MCC: variants seen among roughly 807,000 people sequenced by gnomAD.
The protein encoded by MCC is MCC regulator of Wnt signaling pathway.
A neutral mutation model predicts 116.2 loss-of-function variants in MCC; 90 were observed. That is an observed-to-expected ratio of 0.77 (90% CI 0.65 to 0.92). The LOEUF (loss-of-function observed/expected upper bound fraction) is 0.92, where lower values mean the gene tolerates loss of function less well. Ranked by LOEUF, MCC falls within the 40% of genes least tolerant of loss-of-function variation. MCC has a pLI of 0.00. For missense variants in MCC, 1,516 were observed against 1,312.2 expected, an observed-to-expected ratio of 1.16 and a Z score of -2.40; for synonymous variants, 578 against 510.5, an observed-to-expected ratio of 1.13 and a Z score of -1.78.
In MCC at chr5:113,077,273, C is replaced by G. The variant is rs150402894; in HGVS notation, c.1784+5587G>C. Among the ~76,000 whole-genome samples, 55 of 152,216 alleles carry G rather than the reference C, an allele frequency of 3.6e-4. 2 individuals are homozygous for G. The highest frequency in any genetic ancestry group is 1.3e-3 in the African/African-American group (52 of 41,538). ...GAGACAGAAAGTTAACAAGGATATCCAGGAATTGAACTCAGCTGTCCACCA... is the reference window on the plus strand; with the variant it reads ...GAGACAGAAAGTTAACAAGGATATCGAGGAATTGAACTCAGCTGTCCACCA... On this transcript the variant is annotated intron_variant, in intron 11 of 18. Coordinates refer to ENST00000408903, the MANE Select transcript of MCC (RefSeq NM_001085377.2).
intron 3 of MCC, among the ~76,000 whole-genome samples, chr5:113,154,174 A>C (rs1342628597): frequency 1.6e-4 from 25 of 152,206 alleles, no homozygotes; most frequent in Admixed American, 1.6e-3. Flanking sequence ...TCTGTATTAA[A>C]GACACAATAA....
Position 113,084,259 on chromosome 5 carries a change from C to T in MCC, c.1546-69G>A, listed in dbSNP as rs113857047. On this transcript the variant is annotated intron_variant, in intron 9 of 18. Transcript: ENST00000408903. ...CCTCAGATAAACTGTTGGGACTACGCTTATACAGGGCTACTTTTTAGCCAT... is the reference window on the plus strand; with the variant it reads ...CCTCAGATAAACTGTTGGGACTACGTTTATACAGGGCTACTTTTTAGCCAT... The T allele has an allele frequency of 3.5e-4, 419 of 1,204,802 alleles. 3 individuals are homozygous for T. The African/African-American group carries it at 5.4e-3, about 15-fold the overall frequency. The allele number at this position is 1,204,802 out of a possible 1,614,324, so 74.6% of individuals were successfully genotyped here. A position where few individuals can be genotyped will look rare whatever the true frequency, so the allele number is the denominator to read the frequency against.
At chr5:113,060,785 T>G (rs767151067) in intron 14 of MCC, among the ~76,000 whole-genome samples, 52 of 152,176 alleles carry the variant, frequency 3.4e-4, no homozygotes, top group Non-Finnish European at 6.6e-4. Context: ...TGCTGTCATG[T>G]CAAGGATGTG....
chr5:113,229,220 T>C (rs890911178), intron 3 of MCC, among the ~76,000 whole-genome samples: 25 of 152,192 alleles, frequency 1.6e-4, no homozygotes, highest in African/African-American at 6.0e-4. Flanking sequence ...TAGCCAGTGA[T>C]GTGAGAAAAC....
intron 8 of MCC, among the ~76,000 whole-genome samples, chr5:113,096,513 T>C (rs1581049467): frequency 1.3e-5 from 2 of 152,266 alleles, no homozygotes; most frequent in East Asian, 3.9e-4. Context: ...CCGGCTGGTA[T>C]CATAGTCAAA....
rs544459057 is a variant in MCC, at chr5:113,239,706, T to C, written c.628-88284A>G. Among the ~76,000 whole-genome samples, 14 of 152,322 alleles carry C rather than the reference T, an allele frequency of 9.2e-5. No individual in the cohort carries two copies. The South Asian group carries it at 2.9e-3, about 32-fold the overall frequency. On this transcript the variant is annotated intron_variant, in intron 3 of 18. Coordinates refer to ENST00000408903, the MANE Select transcript of MCC (RefSeq NM_001085377.2). ...TGAGAAATGGCTTCTGTGGATGCAGTCTAAGCCTGGGGTGCTTATTTTAGG... is the reference window on the plus strand; with the variant it reads ...TGAGAAATGGCTTCTGTGGATGCAGCCTAAGCCTGGGGTGCTTATTTTAGG...
chr5:113,050,081 T>G (rs534309442), intron 15 of MCC, among the ~76,000 whole-genome samples: 1 of 152,328 alleles, frequency 6.6e-6, no homozygotes, highest in South Asian at 2.1e-4. Context: ...TCACATGACG[T>G]GGCTCATTTC....
chr5:113,117,462 T>G (rs930786307), intron 6 of MCC, among the ~76,000 whole-genome samples: 1 of 152,222 alleles, frequency 6.6e-6, no homozygotes, highest in Non-Finnish European at 1.5e-5. Context: ...ATTTCAACCC[T>G]AAGGGTATAA....
intron 3 of MCC, among the ~76,000 whole-genome samples, chr5:113,288,435 A>G (rs1766346546): frequency 7.5e-6 from 1 of 133,742 alleles, no homozygotes; most frequent in South Asian, 2.1e-4. Flanking sequence ...CCTTGCAGTG[A>G]AAAAAAATAG....
rs71687516 is a variant in MCC, at chr5:113,333,828, T to TACATATGTATATATGTAC, written c.627+6690_627+6691insGTACATATATACATATGT. 1.5e-3 allele frequency among the ~76,000 whole-genome samples: 19 copies of TACATATGTATATATGTAC among 12,262 alleles called. 1 individual carries two copies. The highest frequency in any genetic ancestry group is 3.9e-3 in the Non-Finnish European group (9 of 2,296). The allele number at this position is 12,262 out of a possible 152,430, so 8.0% of individuals were successfully genotyped here. A position where few individuals can be genotyped will look rare whatever the true frequency, so the allele number is the denominator to read the frequency against. On this transcript the variant is annotated intron_variant, in intron 3 of 18. Coordinates refer to ENST00000408903, the MANE Select transcript of MCC (RefSeq NM_001085377.2). ...ATATATGTATATATGTACATATATGTATATATGTATATATGTATATATGTA... is the reference window on the plus strand; with the variant it reads ...ATATATGTATATATGTACATATATGTACATATGTATATATGTACATATATGTATATATGTATATATGTA...
chr5:113,355,919 G>A (rs1768399730), intron 2 of MCC, among the ~76,000 whole-genome samples: 1 of 152,130 alleles, frequency 6.6e-6, no homozygotes, highest in Non-Finnish European at 1.5e-5. Context: ...TAAGGAAGCT[G>A]CATGGCATCT....
At chr5:113,163,121 G>A (rs115841432) in intron 3 of MCC, among the ~76,000 whole-genome samples, 1 of 152,076 alleles carries the variant, frequency 6.6e-6, no homozygotes, top group Admixed American at 6.6e-5. Context: ...TGCACCCTCT[G>A]CCTCATGGGT....
intron 3 of MCC, among the ~76,000 whole-genome samples, chr5:113,315,743 G>C (rs2150369539): frequency 6.6e-6 from 1 of 151,732 alleles, no homozygotes; most frequent in South Asian, 2.1e-4. Context: ...AAGGCATTGT[G>C]GTGTGCATCT....
At chr5:113,192,765 A>C (rs573306444) in intron 3 of MCC, among the ~76,000 whole-genome samples, 1 of 152,254 alleles carries the variant, frequency 6.6e-6, no homozygotes, top group South Asian at 2.1e-4. Flanking sequence ...CCATAGGTTT[A>C]TCAACTAAGA....
intron 3 of MCC, among the ~76,000 whole-genome samples, chr5:113,327,397 T>A (rs1227719543): frequency 2.7e-5 from 4 of 150,406 alleles, no homozygotes; most frequent in Non-Finnish European, 4.4e-5. Flanking sequence ...AAATAAAAAA[T>A]TTGCCGGGTG....
At chr5:113,204,311 T>C (rs1435298925) in intron 3 of MCC, among the ~76,000 whole-genome samples, 1 of 152,190 alleles carries the variant, frequency 6.6e-6, no homozygotes, top group Non-Finnish European at 1.5e-5. Context: ...CACACAAAGC[T>C]CTCTTCCTCA....
At chr5:113,392,608 C>T (rs370390325) in intron 1 of MCC, among the ~76,000 whole-genome samples, 1 of 151,722 alleles carries the variant, frequency 6.6e-6, no homozygotes, top group Admixed American at 6.6e-5. Flanking sequence ...ATGGAGGAGA[C>T]ATGAACAATA....
chr5:113,277,841 C>A (rs112559638), intron 3 of MCC, among the ~76,000 whole-genome samples: 3,111 of 152,286 alleles, frequency 0.02, 34 homozygotes, highest in Middle Eastern at 0.027. Context: ...TGTGAGTGAA[C>A]AGCCATGAAG....
rs71577440 is a variant in MCC, at chr5:113,232,155, G to A, written c.628-80733C>T. Reference sequence around the variant, plus strand: ...AATAAAATGTATCACTTTTAACATTGAATTTTCTAAACTCCAGGGGAAAAA... The same window carrying A: ...AATAAAATGTATCACTTTTAACATTAAATTTTCTAAACTCCAGGGGAAAAA... On this transcript the variant is annotated intron_variant, in intron 3 of 18. Transcript: ENST00000408903. 2.9e-3 allele frequency among the ~76,000 whole-genome samples: 434 copies of A among 152,178 alleles called. 1 individual carries two copies. Among genetic ancestry groups the A allele is most frequent in the Admixed American group, 5.7e-3 (87 of 15,266 alleles).
Sources: gnomAD v4.1 joint callset for allele counts (sites outside exome capture counted in the v4.1 genomes callset) on GRCh38, gnomAD v4.1.1 for gene constraint, MANE v1.5 for transcripts, NCBI Gene and HGNC (gene_info 2026-07-23, HGNC 2026-07-21) for gene names.